Variants in PLCB1 observed in about 807,000 individuals in gnomAD.
The protein encoded by PLCB1 is 1-phosphatidylinositol 4,5-bisphosphate phosphodiesterase beta-1.
In PLCB1, 46 loss-of-function variants were observed where a neutral mutation model predicts 161.8. The ratio of observed to expected loss-of-function variants is 0.28; its 90% confidence interval spans 0.22 to 0.36. The LOEUF (loss-of-function observed/expected upper bound fraction) is 0.36, where lower values mean the gene tolerates loss of function less well. PLCB1 is among the 10% of genes least tolerant of loss of function. The probability of loss-of-function intolerance (pLI) is 1.00; values close to 1 mark genes in which losing one functional copy is unlikely to be tolerated. For synonymous variants in PLCB1, 517 were observed against 503.7 expected (o/e 1.03, Z -0.35); for missense variants, 1,016 against 1,472.5 (o/e 0.69, Z 5.07).
chr20:8,630,413 C>T (rs1988550487), intron 4 of PLCB1, among the ~76,000 whole-genome samples: 1 of 152,116 alleles, frequency 6.6e-6, no homozygotes, highest in African/African-American at 2.4e-5. Context: ...AAATGCCAAC[C>T]AGTTTTAATA....
chr20:8,530,174 A>G (rs934321357), intron 3 of PLCB1, among the ~76,000 whole-genome samples: 3 of 152,074 alleles, frequency 2.0e-5, no homozygotes, highest in Non-Finnish European at 4.4e-5. Context: ...TGTTCTGCAC[A>G]TTTGTTTTTC....
At chr20:8,368,124 G>C (rs1007945989) in intron 2 of PLCB1, among the ~76,000 whole-genome samples, 2 of 152,148 alleles carry the variant, frequency 1.3e-5, no homozygotes, top group African/African-American at 4.8e-5. Context: ...ATATAATGAT[G>C]CCTGCTAAGA....
At chr20:8,718,052 T>G (rs1979425100) in intron 14 of PLCB1, among the ~76,000 whole-genome samples, 2 of 139,666 alleles carry the variant, frequency 1.4e-5, no homozygotes, top group African/African-American at 5.1e-5. Context: ...AAATCCTGTC[T>G]CTTGCAAAAA....
chr20:8,674,198 A>T (rs1055371117), intron 9 of PLCB1, among the ~76,000 whole-genome samples: 2 of 152,246 alleles, frequency 1.3e-5, no homozygotes, highest in Admixed American at 6.5e-5. Flanking sequence ...ATCTATTAGT[A>T]CAATGACAGA....
At chr20:8,869,442 A>T (rs983901296) in intron 31 of PLCB1, among the ~76,000 whole-genome samples, 1 of 152,202 alleles carries the variant, frequency 6.6e-6, no homozygotes, top group Non-Finnish European at 1.5e-5. Flanking sequence ...AGCTGGGCTG[A>T]CGTGGCCTGC....
chr20:8,689,782 A>G (rs1296931613), intron 10 of PLCB1, among the ~76,000 whole-genome samples: 2 of 151,460 alleles, frequency 1.3e-5, no homozygotes, highest in East Asian at 3.9e-4. Flanking sequence ...CTTCCTATGT[A>G]TAACTTGTTA....
chr20:8,248,254 C>T (rs1980976860), intron 2 of PLCB1, among the ~76,000 whole-genome samples: 1 of 151,870 alleles, frequency 6.6e-6, no homozygotes, highest in Non-Finnish European at 1.5e-5. Context: ...TTTTACATTC[C>T]TTCATCCATC....
rs780340027 is a variant in PLCB1, at chr20:8,189,428, CT to C, written c.177+39060del. On this transcript the variant is annotated intron_variant, in intron 2 of 31. Coordinates refer to ENST00000338037, the MANE Select transcript of PLCB1 (RefSeq NM_015192.4). ...CTAAATGAACATGATGTAGGGTTTCCTTTATTAGTATTAGGAAGGATTTTAA... is the reference window on the plus strand; with the variant it reads ...CTAAATGAACATGATGTAGGGTTTCCTTATTAGTATTAGGAAGGATTTTAA... 4.6e-5 allele frequency among the ~76,000 whole-genome samples: 7 copies of C among 151,178 alleles called. No individual in the cohort carries two copies. In the South Asian group the frequency reaches 1.5e-3, roughly 32 times the overall value.
At chr20:8,713,604 C>T (rs1441301130) in intron 12 of PLCB1, among the ~76,000 whole-genome samples, 1 of 152,162 alleles carries the variant, frequency 6.6e-6, no homozygotes, top group Non-Finnish European at 1.5e-5. Flanking sequence ...GTCCTGTACC[C>T]CACCCTGGAC....
chr20:8,328,769 A>G (rs1288205901), intron 2 of PLCB1, among the ~76,000 whole-genome samples: 1 of 152,182 alleles, frequency 6.6e-6, no homozygotes, highest in Non-Finnish European at 1.5e-5. Context: ...CTAACGGAGT[A>G]CTTGCTGCTC....
intron 2 of PLCB1, among the ~76,000 whole-genome samples, chr20:8,232,865 G>A (rs1980130790): frequency 6.6e-6 from 1 of 152,170 alleles, no homozygotes; most frequent in African/African-American, 2.4e-5. Flanking sequence ...AATCTCTGCA[G>A]GCATGGTCCA....
rs568724202 is a variant in PLCB1 at position 8,469,053 on chromosome 20, G to A, written c.246+97603G>A. On this transcript the variant is annotated intron_variant, in intron 3 of 31. Coordinates refer to ENST00000338037, the MANE Select transcript of PLCB1 (RefSeq NM_015192.4). ...CCTGAGATTGCTGCATTTCCCAGGC[G>A]ATGCTGACACTACCGTCCTATGGAC... Among the ~76,000 whole-genome samples, 20 of 152,278 alleles carry A rather than the reference G, an allele frequency of 1.3e-4. No homozygotes were observed. In the South Asian group the frequency reaches 4.1e-3, roughly 32 times the overall value.
chr20:8,666,165 G>A lies in PLCB1; in HGVS notation c.862+7461G>A, dbSNP rs185157132. On this transcript the variant is annotated intron_variant, in intron 9 of 31. Coordinates refer to ENST00000338037, the MANE Select transcript of PLCB1 (RefSeq NM_015192.4). ...GCTTTCTCCCAGAGTTCCTCGGTGA[G>A]ACTGAGCCCTAACTGCCCACAGCTG... 9.9e-5 allele frequency among the ~76,000 whole-genome samples: 15 copies of A among 152,226 alleles called. No homozygotes were observed. In the East Asian group the frequency reaches 2.7e-3, roughly 27 times the overall value.
At chr20:8,680,485 A>T (rs1320839915) in intron 9 of PLCB1, among the ~76,000 whole-genome samples, 1 of 152,188 alleles carries the variant, frequency 6.6e-6, no homozygotes, top group African/African-American at 2.4e-5. Flanking sequence ...TCTCTGCCTA[A>T]TCATTTAATG....
chr20:8,681,587 G>A (rs1268245787), intron 9 of PLCB1, among the ~76,000 whole-genome samples: 1 of 152,138 alleles, frequency 6.6e-6, no homozygotes, highest in East Asian at 1.9e-4. Flanking sequence ...GTGTATACAA[G>A]AAGCATACAC....
At chr20:8,266,490 A>G (rs887562457) in intron 2 of PLCB1, among the ~76,000 whole-genome samples, 1 of 152,354 alleles carries the variant, frequency 6.6e-6, no homozygotes, top group East Asian at 1.9e-4. Flanking sequence ...CGAGTCAGCT[A>G]ATATCCTGTT....
intron 2 of PLCB1, among the ~76,000 whole-genome samples, chr20:8,302,312 G>A (rs1014940510): frequency 6.6e-6 from 1 of 152,136 alleles, no homozygotes; most frequent in Non-Finnish European, 1.5e-5. Context: ...AATTTTTTAT[G>A]GAGGAACACA....
chr20:8,398,811 G>GT (rs947872682), intron 3 of PLCB1, among the ~76,000 whole-genome samples: 1 of 150,974 alleles, frequency 6.6e-6, no homozygotes, highest in Non-Finnish European at 1.5e-5. Context: ...TCTCCCCTTG[G>GT]TTTTTTTGAG....
chr20:8,812,491 T>A (rs557110436), intron 31 of PLCB1, among the ~76,000 whole-genome samples: 1 of 152,288 alleles, frequency 6.6e-6, no homozygotes, highest in South Asian at 2.1e-4. Context: ...GGTGTTGACT[T>A]CATAACTGAA....
Sources: allele counts gnomAD v4.1 joint callset (sites outside exome capture counted in the v4.1 genomes callset), GRCh38; gene constraint gnomAD v4.1.1; transcripts MANE v1.5; gene names NCBI Gene and HGNC (gene_info 2026-07-23, HGNC 2026-07-21).